Variants in WLS observed in about 807,000 individuals in gnomAD.
WLS encodes protein wntless homolog.
In WLS, 23 loss-of-function variants were observed where a neutral mutation model predicts 62.8. The observed-to-expected ratio is 0.37, with a 90% CI of 0.26 to 0.52. WLS has a LOEUF of 0.52. WLS is among the 20% of genes least tolerant of loss of function. The pLI is 0.92. For missense variants in WLS, 615 were observed against 697.3 expected, an observed-to-expected ratio of 0.88 and a Z score of 1.33; for synonymous variants, 246 against 244.1, an observed-to-expected ratio of 1.01 and a Z score of -0.07.
chr1:68,138,047 C>T (rs1204124825), intron 10 of WLS, 114 bp from the exon 11 acceptor site: 19 of 1,213,420 alleles, frequency 1.6e-5, no homozygotes, highest in African/African-American at 7.6e-5. Flanking sequence ...ATGTGGGAAA[C>T]ATGAAGGGCC....
In WLS at chr1:68,126,167, C is replaced by G; in HGVS notation, c.*59G>C. 1 of 1,601,952 alleles carries G rather than the reference C, an allele frequency of 6.2e-7. No homozygotes were observed. The highest frequency in any genetic ancestry group is 2.3e-5 in the East Asian group (1 of 44,226). On this transcript the variant is annotated 3_prime_UTR_variant, in exon 12 of 12. Transcript: ENST00000262348. ...ATTGAGCTCTCTCTGGCATGCTCCC[C>G]ACTCTAGTTAGAGGGGCTGGGGTAT... is the stretch of plus-strand genomic sequence containing the variant.
chr1:68,204,391 C>G (rs1422946369), intron 1 of WLS, among the ~76,000 whole-genome samples: 1 of 152,032 alleles, frequency 6.6e-6, no homozygotes, highest in Non-Finnish European at 1.5e-5. Flanking sequence ...GCGGTCTCGG[C>G]TCACTGCAAG....
At chr1:68,177,973 C>T (rs943808053) in intron 2 of WLS, among the ~76,000 whole-genome samples, 7 of 152,148 alleles carry the variant, frequency 4.6e-5, no homozygotes, top group Admixed American at 6.5e-5. Flanking sequence ...TGCCAAGGGT[C>T]TCATAATTTA....
At chr1:68,165,383 C>T (rs1647046034) in intron 2 of WLS, among the ~76,000 whole-genome samples, 1 of 152,080 alleles carries the variant, frequency 6.6e-6, no homozygotes, top group South Asian at 2.1e-4. Context: ...GATATATATA[C>T]CCAGAGCCTA....
chr1:68,231,581 T>G, intron 1 of WLS: 1 of 225,156 alleles, frequency 4.4e-6, no homozygotes, highest in Non-Finnish European at 9.0e-6. Context: ...CGGCCGACAA[T>G]TCGGACCTGT....
At chr1:68,199,585 C>T (rs1479097852) in intron 1 of WLS, among the ~76,000 whole-genome samples, 3 of 152,098 alleles carry the variant, frequency 2.0e-5, no homozygotes, top group African/African-American at 4.8e-5. Context: ...GATCATTTAA[C>T]GGTGAAAACT....
chr1:68,127,101 A>C (rs993769637), intron 11 of WLS: 7 of 405,932 alleles, frequency 1.7e-5, no homozygotes, highest in Admixed American at 1.4e-4. Flanking sequence ...AGGCTGAGGC[A>C]GGAGGATCAC....
At chr1:68,217,325 C>A (rs1039062066) in intron 1 of WLS, among the ~76,000 whole-genome samples, 1 of 152,196 alleles carries the variant, frequency 6.6e-6, no homozygotes, top group African/African-American at 2.4e-5. Flanking sequence ...CGCCTTTCTA[C>A]TCAATTACCC....
chr1:68,197,837 G>C (rs1382346432), intron 1 of WLS, among the ~76,000 whole-genome samples: 1 of 152,072 alleles, frequency 6.6e-6, no homozygotes, highest in Non-Finnish European at 1.5e-5. Context: ...TAAAGTGTGT[G>C]GGATTAAGAG....
chr1:68,110,733 G>GTA (rs1646217884), intron 11 of WLS, among the ~76,000 whole-genome samples: 1 of 75,390 alleles, frequency 1.3e-5, no homozygotes. Flanking sequence ...ATATATGTTT[G>GTA]TATATATATG....
chr1:68,106,716 C>CTGTGTGTGTGTGTGTG (rs59601112), intron 11 of WLS, among the ~76,000 whole-genome samples: 6 of 146,712 alleles, frequency 4.1e-5, no homozygotes, highest in African/African-American at 1.5e-4. Flanking sequence ...GTGTTTGTCA[C>CTGTGTGTGTGTGTGTG]TGTGTGTGTG....
intron 3 of WLS, among the ~76,000 whole-genome samples, chr1:68,157,809 G>A (rs12070956): frequency 0.029 from 4,437 of 152,128 alleles, 66 homozygotes; most frequent in Middle Eastern, 0.095. Context: ...CTTCCCCCTC[G>A]CTACTCAGTG....
rs968589396 is a variant in WLS at position 68,146,025 on chromosome 1, A to G, written c.1135-13T>C. ...TGATGAAGGCCATCTGGTCGTGTCC[A>G]GTAAAGGAAACAACGGGCTAGCCAA... On this transcript the variant is annotated splice_polypyrimidine_tract_variant and intron_variant, in intron 8 of 11. Coordinates refer to ENST00000262348, the MANE Select transcript of WLS (RefSeq NM_024911.7). 6.2e-7 allele frequency: 1 copy of G among 1,613,372 alleles called. No individual in the cohort carries two copies. Among genetic ancestry groups the G allele is most frequent in the Non-Finnish European group, 8.5e-7 (1 of 1,179,530 alleles).
chr1:68,151,557 G>A (rs1464809096), intron 5 of WLS, among the ~76,000 whole-genome samples: 2 of 152,150 alleles, frequency 1.3e-5, no homozygotes, highest in African/African-American at 4.8e-5. Context: ...GAGATGGAAT[G>A]AGAGAGGGAG....
At chr1:68,201,928 C>T (rs781730546) in intron 1 of WLS, 14 of 152,138 alleles carry the variant, frequency 9.2e-5, no homozygotes, top group East Asian at 5.8e-4. Flanking sequence ...AAATACATTC[C>T]GACTCAAAAA....
intron 1 of WLS, among the ~76,000 whole-genome samples, chr1:68,224,055 C>A (rs767468065): frequency 6.6e-6 from 1 of 152,324 alleles, no homozygotes; most frequent in Non-Finnish European, 1.5e-5. Flanking sequence ...CTTTCAATTA[C>A]CTCTGCTTTC....
intron 2 of WLS, among the ~76,000 whole-genome samples, chr1:68,192,804 T>G (rs1016458433): frequency 7.8e-6 from 1 of 128,474 alleles, no homozygotes; most frequent in African/African-American, 3.0e-5. Flanking sequence ...AAGAAAGAAA[T>G]AGTTTTCAGG....
At chr1:68,157,744 G>T (rs1570911466) in intron 3 of WLS, among the ~76,000 whole-genome samples, 1 of 152,062 alleles carries the variant, frequency 6.6e-6, no homozygotes, top group Non-Finnish European at 1.5e-5. Flanking sequence ...TCTTGCAAGG[G>T]ATCAACACAT....
intron 1 of WLS, among the ~76,000 whole-genome samples, chr1:68,204,877 T>C (rs527874722): frequency 2.6e-5 from 4 of 152,196 alleles, no homozygotes; most frequent in Non-Finnish European, 5.9e-5. Flanking sequence ...TTCTGAACCC[T>C]ACAAAATTAT....
Sources: gnomAD v4.1 joint callset for allele counts (sites outside exome capture counted in the v4.1 genomes callset) on GRCh38, gnomAD v4.1.1 for gene constraint, MANE v1.5 for transcripts, NCBI Gene and HGNC (gene_info 2026-07-23, HGNC 2026-07-21) for gene names.